The following PALM2AKAP2 variants were observed in gnomAD, a reference collection of about 807,000 sequenced individuals.
PALM2AKAP2 encodes PALM2 and AKAP2 fusion, also known as PALM2-AKAP2 fusion protein.
PALM2AKAP2 carries 37 observed loss-of-function variants against 71.5 expected under a neutral mutation model. The observed-to-expected ratio is 0.52, with a 90% CI of 0.40 to 0.68. The LOEUF is 0.68. Among genes scored for constraint, PALM2AKAP2 ranks in the 30% least tolerant of loss-of-function variants. The pLI is 0.00. For synonymous variants in PALM2AKAP2, 468 were observed against 478.8 expected (o/e 0.98, Z 0.29); for missense variants, 1,224 against 1,191.8 (o/e 1.03, Z -0.40).
At chr9:110,139,614 T>C (rs1043673758) in intron 2 of PALM2AKAP2, among the ~76,000 whole-genome samples, 1 of 151,952 alleles carries the variant, frequency 6.6e-6, no homozygotes, top group Non-Finnish European at 1.5e-5. Context: ...TTGACACTTA[T>C]CTTGGTCCAT....
At chr9:109,925,971 C>G (rs1830947962) in intron 5 of PALM2AKAP2, among the ~76,000 whole-genome samples, 1 of 152,136 alleles carries the variant, frequency 6.6e-6, no homozygotes, top group Non-Finnish European at 1.5e-5. Flanking sequence ...CTTTGGAAGA[C>G]TGATGTGGGA....
intron 1 of PALM2AKAP2, among the ~76,000 whole-genome samples, chr9:109,801,622 G>GGA (rs1297220089): frequency 6.6e-6 from 1 of 152,318 alleles, no homozygotes; most frequent in Admixed American, 6.5e-5. Context: ...TTTAAAGCCA[G>GGA]GACTCCAGGA....
At chr9:110,129,567 G>A (rs1000833713) in intron 1 of PALM2AKAP2, among the ~76,000 whole-genome samples, 1 of 152,180 alleles carries the variant, frequency 6.6e-6, no homozygotes, top group African/African-American at 2.4e-5. Context: ...ACTTAACAGA[G>A]GGCCATTTTT....
intron 6 of PALM2AKAP2, among the ~76,000 whole-genome samples, chr9:109,962,145 C>G (rs1358712810): frequency 6.6e-6 from 1 of 152,232 alleles, no homozygotes. Flanking sequence ...CATTACTGCA[C>G]AGTTGCTCAG....
intron 3 of PALM2AKAP2, among the ~76,000 whole-genome samples, chr9:109,884,788 A>T (rs76162115): frequency 0.01 from 1,581 of 152,336 alleles, 19 homozygotes; most frequent in African/African-American, 0.036. Flanking sequence ...ATATTAGTAC[A>T]GTTGTGCCCT....
intron 1 of PALM2AKAP2, among the ~76,000 whole-genome samples, chr9:110,050,670 C>T (rs188055632): frequency 1.4e-3 from 212 of 151,880 alleles, no homozygotes; most frequent in African/African-American, 5.0e-3. Flanking sequence ...TCTTGTTGCC[C>T]AGGCTGGAGT....
chr9:110,036,336 A>C (rs1017917414), intron 7 of PALM2AKAP2, among the ~76,000 whole-genome samples: 1 of 152,172 alleles, frequency 6.6e-6, no homozygotes, highest in Non-Finnish European at 1.5e-5. Context: ...GAAAATAAGA[A>C]GTATTTGGGC....
chr9:109,649,325 A>T (rs1205987957), intron 1 of PALM2AKAP2, among the ~76,000 whole-genome samples: 1 of 151,628 alleles, frequency 6.6e-6, no homozygotes, highest in African/African-American at 2.4e-5. Context: ...TTAATTCTGA[A>T]TTTTTCTCAT....
At chr9:109,896,631 T>C (rs1830209302) in intron 3 of PALM2AKAP2, among the ~76,000 whole-genome samples, 1 of 151,932 alleles carries the variant, frequency 6.6e-6, no homozygotes, top group South Asian at 2.1e-4. Flanking sequence ...GGCAACATAG[T>C]GAGACCTCAT....
chr9:110,032,760 A>AAAAAAAT (rs1833309343), intron 7 of PALM2AKAP2, among the ~76,000 whole-genome samples: 1 of 111,566 alleles, frequency 9.0e-6, no homozygotes, highest in Non-Finnish European at 2.0e-5. Flanking sequence ...ATAAAAAAAC[A>AAAAAAAT]AAAAAAATAA....
chr9:109,829,051 G>A (rs1044862154), intron 1 of PALM2AKAP2, among the ~76,000 whole-genome samples: 4 of 152,236 alleles, frequency 2.6e-5, no homozygotes, highest in African/African-American at 9.6e-5. Context: ...TTACATAGGA[G>A]TTTGCTTTCT....
At chr9:109,726,710 A>G (rs1564126614) in intron 1 of PALM2AKAP2, among the ~76,000 whole-genome samples, 1 of 152,228 alleles carries the variant, frequency 6.6e-6, no homozygotes, top group Non-Finnish European at 1.5e-5. Context: ...AAACAAGTGT[A>G]TAGGTTAAAT....
chr9:109,914,550 A>G (rs1830642098), intron 3 of PALM2AKAP2, among the ~76,000 whole-genome samples: 1 of 152,174 alleles, frequency 6.6e-6, no homozygotes, highest in Non-Finnish European at 1.5e-5. Flanking sequence ...TGAGCAGCAA[A>G]CACTTCTTCT....
At chr9:109,808,605 G>A (rs1369865381) in intron 1 of PALM2AKAP2, among the ~76,000 whole-genome samples, 2 of 152,234 alleles carry the variant, frequency 1.3e-5, no homozygotes, top group Non-Finnish European at 2.9e-5. Flanking sequence ...AAAGCCTGAT[G>A]TTGCGATAGA....
chr9:109,675,115 G>A (rs79670946), intron 1 of PALM2AKAP2, among the ~76,000 whole-genome samples: 12,537 of 152,074 alleles, frequency 0.082, 587 homozygotes, highest in African/African-American at 0.096. Context: ...ATGCTTGAGA[G>A]GTTAGGTGTA....
intron 2 of PALM2AKAP2, among the ~76,000 whole-genome samples, chr9:110,148,953 A>G (rs1203555843): frequency 6.6e-6 from 1 of 152,222 alleles, no homozygotes; most frequent in African/African-American, 2.4e-5. Flanking sequence ...CAGGGATGAC[A>G]ATAGCTGTAT....
In PALM2AKAP2 at chr9:109,700,735, G is replaced by A. The variant is rs758770248; in HGVS notation, c.5+59869G>A. The stretch of plus-strand genomic sequence containing the variant: ...CCCAAATATTTATTTGAAAATTTTT[G>A]CTGGGCTGTGTCTGTCTCACCTGGA... On this transcript the variant is annotated intron_variant, in intron 1 of 6. Transcript: ENST00000374531. 9.1e-4 allele frequency among the ~76,000 whole-genome samples: 138 copies of A among 152,288 alleles called. 2 individuals are homozygous for A. Among genetic ancestry groups the A allele is most frequent in the Middle Eastern group, 3.4e-3 (1 of 294 alleles).
At chr9:109,729,732 G>A (rs1828527250) in intron 1 of PALM2AKAP2, among the ~76,000 whole-genome samples, 2 of 152,262 alleles carry the variant, frequency 1.3e-5, no homozygotes, top group Admixed American at 1.3e-4. Context: ...TGGTTCCTAG[G>A]CTAGGGTTTG....
chr9:109,738,566 C>A (rs186611225), intron 1 of PALM2AKAP2, among the ~76,000 whole-genome samples: 1 of 152,262 alleles, frequency 6.6e-6, no homozygotes, highest in East Asian at 1.9e-4. Flanking sequence ...CATTTAAAAA[C>A]ATTTCACTTA....
Sources: allele counts gnomAD v4.1 joint callset (sites outside exome capture counted in the v4.1 genomes callset), GRCh38; gene constraint gnomAD v4.1.1; transcripts MANE v1.5; gene names NCBI Gene and HGNC (gene_info 2026-07-23, HGNC 2026-07-21).